Variants in IFT172 observed in about 807,000 individuals in gnomAD.
IFT172 encodes the protein intraflagellar transport 172.
IFT172 carries 164 observed loss-of-function variants against 248.9 expected under a neutral mutation model. That is an observed-to-expected ratio of 0.66 (90% CI 0.58 to 0.75). The LOEUF (loss-of-function observed/expected upper bound fraction) is 0.75, where lower values mean the gene tolerates loss of function less well. Among genes scored for constraint, IFT172 ranks in the 30% least tolerant of loss-of-function variants. The pLI is 0.00. For synonymous variants in IFT172, 729 were observed against 791.6 expected (o/e 0.92, Z 1.33); for missense variants, 1,950 against 2,192.4 (o/e 0.89, Z 2.21).
intron 7 of IFT172, among the ~76,000 whole-genome samples, chr2:27,482,311 A>G (rs1391515736): frequency 7.2e-6 from 1 of 139,742 alleles, no homozygotes; most frequent in Non-Finnish European, 1.5e-5. Flanking sequence ...TTTTTTTGAG[A>G]TGGCATTTCA....
At chr2:27,449,942 C>A in intron 36 of IFT172, 56 bp downstream of exon 36, 1 of 1,510,680 alleles carries the variant, frequency 6.6e-7, no homozygotes, top group Non-Finnish European at 9.2e-7. Context: ...GTAGATGTCA[C>A]CCTTGCACCC....
Position 27,481,184 on chromosome 2 carries a change from T to C in IFT172, c.647A>G (p.Asp216Gly). 1 of 1,613,154 alleles carries C rather than the reference T, an allele frequency of 6.2e-7. No individual in the cohort carries two copies. Among genetic ancestry groups the C allele is most frequent in the Non-Finnish European group, 8.5e-7 (1 of 1,179,998 alleles). ...TTTTCCATAGGCTACAATTTTCCGATCACAGCCTGCAGCCACGATGCTATT... is the reference window on the plus strand; with the variant it reads ...TTTTCCATAGGCTACAATTTTCCGACCACAGCCTGCAGCCACGATGCTATT... ...ATNSIVAAGC[D>G]RKIVAYGKEG... The change falls in exon 8 of 48, where the codon GAT becomes GGT. Residue 216 changes from aspartate (D) to glycine (G), a missense_variant. Asp to Gly is a moderately conservative substitution (Grantham distance 94). Coordinates refer to ENST00000260570, the MANE Select transcript of IFT172 (RefSeq NM_015662.3).
rs149435148 is a variant in IFT172 at position 27,447,864 on chromosome 2, C to T, written c.4487G>A (p.Cys1496Tyr). ...AGCCCAGCTATGATAGGCCTCGGCA[C>T]AGTTGGTTCCAGGAGAGCTCACCAT... ...TDMVSSPGTN[C>Y]AEAYHSWADL... Residue 1496 changes from cysteine to tyrosine, a missense_variant, in exon 41 of 48, where the codon TGT becomes TAT. Around this residue, in one of 3 missense-constraint regions of IFT172, gnomAD observed 620 missense variants for 699.0 expected, o/e 0.89. Transcript: ENST00000260570. The T allele has an allele frequency of 3.1e-6, 5 of 1,613,860 alleles. No individual in the cohort carries two copies. Among genetic ancestry groups the T allele is most frequent in the East Asian group, 4.5e-5 (2 of 44,892 alleles).
At chr2:27,480,860 GC>G (rs1417420884) in intron 8 of IFT172, among the ~76,000 whole-genome samples, 185 bp downstream of exon 8, 4 of 152,102 alleles carry the variant, frequency 2.6e-5, no homozygotes, top group African/African-American at 9.7e-5. Flanking sequence ...CAAAACAAGA[GC>G]CCAGGACATT....
chr2:27,457,711 G>C lies in IFT172; in HGVS notation c.3156C>G (p.Tyr1052Ter), dbSNP rs1306904086. 6.2e-7 allele frequency: 1 copy of C among 1,614,064 alleles called. No individual in the cohort carries two copies. The highest frequency in any genetic ancestry group is 1.1e-5 in the South Asian group (1 of 91,088). ...TTGCCTTCCATTCCTGGGCCTCGAG[G>C]TAGTGGTACTCAGCCTCCTGTAGTC... ...EGRLQEAEYH[Y>*]LEAQEWKATV... The change falls in exon 29 of 48, where the codon TAC becomes TAG. Residue 1052 changes from tyrosine to a stop codon, truncating the protein, a stop_gained. Transcript: ENST00000260570. LOFTEE classifies it high-confidence loss of function.
At chr2:27,476,512 A>G (rs1425446577) in intron 14 of IFT172, 129 bp downstream of exon 14, 1 of 634,806 alleles carries the variant, frequency 1.6e-6, no homozygotes, top group Non-Finnish European at 2.9e-6. Flanking sequence ...TATCCACTGT[A>G]CATGTGGAGT....
At chr2:27,450,491 T>G (rs1246427763) in intron 35 of IFT172, among the ~76,000 whole-genome samples, 2 of 152,202 alleles carry the variant, frequency 1.3e-5, no homozygotes, top group African/African-American at 4.8e-5. Context: ...TTTTATGAAC[T>G]TGTTTCTTCA....
chr2:27,447,903 C>G lies in IFT172; in HGVS notation c.4448G>C (p.Arg1483Thr). The change falls in exon 41 of 48, where the codon AGG becomes ACG. Residue 1483 changes from arginine (R) to threonine (T), a missense_variant. Arg to Thr is a moderately conservative substitution (Grantham distance 71). Around this residue, in one of 3 missense-constraint regions of IFT172, gnomAD observed 620 missense variants for 699.0 expected, o/e 0.89. Coordinates refer to ENST00000260570, the MANE Select transcript of IFT172 (RefSeq NM_015662.3). The stretch of plus-strand genomic sequence containing the variant: ...AGAGCTCACCATGTCAGTGAAGATC[C>G]TTTTGTAGATATTGAAGTTCTAGAG... ...ANPQNFNIYK[R>T]IFTDMVSSPG... The G allele has an allele frequency of 6.2e-7, 1 of 1,610,102 alleles. No individual in the cohort carries two copies. Among genetic ancestry groups the G allele is most frequent in the Non-Finnish European group, 8.5e-7 (1 of 1,176,580 alleles).
chr2:27,488,933 T>C (rs1293392782), intron 1 of IFT172, among the ~76,000 whole-genome samples: 2 of 152,204 alleles, frequency 1.3e-5, no homozygotes, highest in Non-Finnish European at 2.9e-5. Context: ...TCCCAGCTAC[T>C]TGGGAGGCTA....
intron 16 of IFT172, among the ~76,000 whole-genome samples, chr2:27,466,260 C>T (rs1279257714): frequency 6.6e-6 from 1 of 152,150 alleles, no homozygotes. Context: ...ATTCCCTACC[C>T]ATATCCTACC....
intron 16 of IFT172, 100 bp from the exon 17 acceptor site, chr2:27,465,982 A>C: frequency 7.4e-7 from 1 of 1,350,846 alleles, no homozygotes; most frequent in Non-Finnish European, 1.0e-6. Flanking sequence ...TCAGTGGTCA[A>C]GAGAGTCACA....
rs746380795 is a variant in IFT172, at chr2:27,479,596, T to C, written c.918A>G (p.Leu306=). The change falls in exon 10 of 48, where the codon CTA becomes CTG. Residue 306 remains leucine (L), a synonymous_variant. Coordinates refer to ENST00000260570, the MANE Select transcript of IFT172 (RefSeq NM_015662.3). ...AGTCAAACTGTTCCACCCCACCACA[T>C]AGTGTGCCCTAGAAGGGAAAGTGAC... ...RDGSRLCVGT[L]CGGVEQFDCC... 68 of 1,604,406 alleles carry C rather than the reference T, an allele frequency of 4.2e-5. No homozygotes were observed. The East Asian group carries it at 4.2e-4, about 10-fold the overall frequency.
intron 33 of IFT172, 89 bp from the exon 34 acceptor site, chr2:27,453,828 G>A (rs2148487546): frequency 1.2e-5 from 17 of 1,411,922 alleles, no homozygotes; most frequent in Non-Finnish European, 1.7e-5. Context: ...AGACTCCTGG[G>A]TCCTTGGACC....
At chr2:27,479,956 A>G in intron 9 of IFT172, 70 bp downstream of exon 9, 1 of 1,552,510 alleles carries the variant, frequency 6.4e-7, no homozygotes, top group South Asian at 1.2e-5. Flanking sequence ...ACAGTGCTTT[A>G]GGATAAGGCA....
intron 42 of IFT172, 174 bp from the exon 43 acceptor site, chr2:27,446,529 C>T (rs1046128752): frequency 1.4e-5 from 8 of 564,810 alleles, no homozygotes; most frequent in South Asian, 4.2e-5. Flanking sequence ...GAACAAGACA[C>T]CTGGGCCTAG....
At chr2:27,451,444 C>G (rs1433942595) in intron 35 of IFT172, among the ~76,000 whole-genome samples, 6 of 152,142 alleles carry the variant, frequency 3.9e-5, no homozygotes, top group African/African-American at 1.2e-4. Context: ...TTCTCTCCCT[C>G]TAACTTCTAG....
rs1001318273 is a variant in IFT172, at chr2:27,464,574, T to C, written c.1937+837A>G. Among the ~76,000 whole-genome samples, 9 of 152,042 alleles carry C rather than the reference T, an allele frequency of 5.9e-5. No individual in the cohort carries two copies. The East Asian group carries it at 1.7e-3, about 29-fold the overall frequency. ...TAAAAAAATGCTAAAGGGAACCTAGTTACAAGAAGGGGCAGTAAAAATAAT... is the reference window on the plus strand; with the variant it reads ...TAAAAAAATGCTAAAGGGAACCTAGCTACAAGAAGGGGCAGTAAAAATAAT... On this transcript the variant is annotated intron_variant, in intron 18 of 47. Transcript: ENST00000260570.
chr2:27,461,921 T>C, intron 20 of IFT172, 85 bp from the exon 21 acceptor site: 1 of 1,454,858 alleles, frequency 6.9e-7, no homozygotes. Flanking sequence ...CTGGCTAAGA[T>C]GCCAGCCCAT....
rs1392969406 is a variant in IFT172 at position 27,454,470 on chromosome 2, A to C, written c.3466-52T>G. 2 of 1,613,504 alleles carry C rather than the reference A, an allele frequency of 1.2e-6. No homozygotes were observed. Among genetic ancestry groups the C allele is most frequent in the African/African-American group, 2.7e-5 (2 of 74,880 alleles). The stretch of plus-strand genomic sequence containing the variant: ...ATGATGAGAAGGAGACTGGCATCAC[A>C]GGCAGGCATGAGACTGGGGGTCTGC... On this transcript the variant is annotated intron_variant, in intron 31 of 47. Coordinates refer to ENST00000260570, the MANE Select transcript of IFT172 (RefSeq NM_015662.3). This position sits in a 1 kb window ranked among gnomAD's most constrained non-coding sequence, Gnocchi z 4.2.
Sources: gnomAD v4.1 joint callset for allele counts (sites outside exome capture counted in the v4.1 genomes callset) on GRCh38, gnomAD v4.1.1 for gene constraint, gnomAD v4.1.1 regional missense constraint, Gnocchi (gnomAD v3.1) non-coding constraint, MANE v1.5 for transcripts, NCBI Gene and HGNC (gene_info 2026-07-23, HGNC 2026-07-21) for gene names.